The following EPAS1 variants were observed in gnomAD, a reference collection of about 807,000 sequenced individuals.
EPAS1 encodes endothelial PAS domain-containing protein 1.
Under a neutral mutation model 87.9 loss-of-function variants are expected in EPAS1, and 23 were observed. That is an observed-to-expected ratio of 0.26 (90% CI 0.19 to 0.37). The LOEUF (loss-of-function observed/expected upper bound fraction) is 0.37. Among genes scored for constraint, EPAS1 ranks in the 10% least tolerant of loss-of-function variants. The pLI is 1.00. For missense variants in EPAS1, 1,138 were observed against 1,120.7 expected (o/e 1.02, Z -0.22); for synonymous variants, 508 against 444.3 (o/e 1.14, Z -1.80).
Position 46,297,586 on chromosome 2 carries a change from A to T in EPAS1, c.-326A>T. ...CTTTTTTTTTTCTTTGAAAACTCAG[A>T]AAAGTGACTCCTTTTCCAGGGAAAA... is the stretch of plus-strand genomic sequence containing the variant. On this transcript the variant is annotated 5_prime_UTR_variant, in exon 1 of 16. It introduces an in-frame stop codon into an upstream open reading frame of the 5' UTR. Coordinates refer to ENST00000263734, the MANE Select transcript of EPAS1 (RefSeq NM_001430.5). 1 of 377,184 alleles carries T rather than the reference A, an allele frequency of 2.7e-6. No homozygotes were observed. Among genetic ancestry groups the T allele is most frequent in the Non-Finnish European group, 4.9e-6 (1 of 203,162 alleles). The allele number at this position is 377,184 out of a possible 1,614,324, so 23.4% of individuals were successfully genotyped here. A position where few individuals can be genotyped will look rare whatever the true frequency, so the allele number is the denominator to read the frequency against.
At chr2:46,362,119 C>A (rs559762646) in intron 6 of EPAS1, among the ~76,000 whole-genome samples, 1 of 152,222 alleles carries the variant, frequency 6.6e-6, no homozygotes, top group Non-Finnish European at 1.5e-5. Context: ...CCTCAGCTTT[C>A]TGCAGCATCT....
intron 2 of EPAS1, among the ~76,000 whole-genome samples, chr2:46,348,789 C>T (rs975801111): frequency 6.6e-6 from 1 of 152,096 alleles, no homozygotes; most frequent in African/African-American, 2.4e-5. Context: ...ATCCCTAACC[C>T]AAAAATCTGA....
At chr2:46,378,185 T>C in intron 10 of EPAS1, 98 bp downstream of exon 10, 1 of 1,515,018 alleles carries the variant, frequency 6.6e-7, no homozygotes, top group South Asian at 1.2e-5. Context: ...ACTGTCCTTC[T>C]CAGGTTATCA....
At chr2:46,381,802 GCCCTT>G in intron 13 of EPAS1, 80 bp downstream of exon 13, 1 of 1,595,060 alleles carries the variant, frequency 6.3e-7, no homozygotes, top group Non-Finnish European at 8.5e-7. Context: ...TGGGGATGTG[GCCCTT>G]CCAAGCCAGC....
chr2:46,316,700 T>G (rs760799085), intron 1 of EPAS1, among the ~76,000 whole-genome samples: 1 of 152,224 alleles, frequency 6.6e-6, no homozygotes, highest in Non-Finnish European at 1.5e-5. Context: ...CTGATTAGTG[T>G]GACGGTTGCT....
At chr2:46,340,897 CT>C (rs1466490652) in intron 1 of EPAS1, among the ~76,000 whole-genome samples, 3 of 151,912 alleles carry the variant, frequency 2.0e-5, no homozygotes, top group Admixed American at 6.6e-5. Context: ...TAATTTCTAA[CT>C]TTTTTAGAGA....
At chr2:46,363,042 A>C (rs1180749328) in intron 6 of EPAS1, among the ~76,000 whole-genome samples, 1 of 151,186 alleles carries the variant, frequency 6.6e-6, no homozygotes, top group African/African-American at 2.4e-5. Context: ...GTTCAAGAAG[A>C]AGATTGCACT....
chr2:46,353,397 C>T (rs1396529063), intron 2 of EPAS1, among the ~76,000 whole-genome samples: 1 of 152,190 alleles, frequency 6.6e-6, no homozygotes, highest in Admixed American at 6.5e-5. Context: ...CATGGGCGTG[C>T]AGCACAGGCA....
chr2:46,378,552 G>T, intron 10 of EPAS1, 105 bp from the exon 11 acceptor site: 1 of 919,550 alleles, frequency 1.1e-6, no homozygotes. Context: ...TGGTGGAATG[G>T]AATTGAACCT....
intron 1 of EPAS1, among the ~76,000 whole-genome samples, chr2:46,322,886 T>A (rs1683479476): frequency 6.6e-6 from 1 of 152,228 alleles, no homozygotes; most frequent in Non-Finnish European, 1.5e-5. Context: ...CCTCGGAATC[T>A]TTCACACACT....
At chr2:46,383,037 G>C (rs1280982757) in intron 15 of EPAS1, among the ~76,000 whole-genome samples, 1 of 152,176 alleles carries the variant, frequency 6.6e-6, no homozygotes. Flanking sequence ...GTTGGGAAGC[G>C]GTCTGGGCAG....
Position 46,385,338 on chromosome 2 carries a change from TTTA to T in EPAS1, c.*687_*689del, listed in dbSNP as rs575160814. On this transcript the variant is annotated 3_prime_UTR_variant, in exon 16 of 16. Transcript: ENST00000263734. ...TTTTTCCCCCGCATTTGGTGGATTTTTTATTATTATTCAAAAACATAACTGAGT... is the reference window on the plus strand; with the variant it reads ...TTTTTCCCCCGCATTTGGTGGATTTTTTATTATTCAAAAACATAACTGAGT... 1.3e-5 allele frequency: 2 copies of T among 152,648 alleles called. No homozygotes were observed. The highest frequency in any genetic ancestry group is 4.8e-5 in the African/African-American group (2 of 41,444). The allele number at this position is 152,648 out of a possible 1,614,324, so 9.5% of individuals were successfully genotyped here.
At chr2:46,334,496 A>C (rs1683749374) in intron 1 of EPAS1, among the ~76,000 whole-genome samples, 1 of 151,990 alleles carries the variant, frequency 6.6e-6, no homozygotes, top group South Asian at 2.1e-4. Context: ...CTCTTCTTTC[A>C]AAGCCAACCT....
intron 6 of EPAS1, among the ~76,000 whole-genome samples, chr2:46,368,390 A>G (rs2103650228): frequency 6.6e-6 from 1 of 152,320 alleles, no homozygotes; most frequent in East Asian, 1.9e-4. Context: ...GACAGAGGGT[A>G]CATAACATTT....
intron 1 of EPAS1, among the ~76,000 whole-genome samples, chr2:46,301,269 G>A (rs1682990825): frequency 6.6e-6 from 1 of 152,064 alleles, no homozygotes; most frequent in Admixed American, 6.6e-5. Context: ...CGGTCACAAG[G>A]AAAATTAGTG....
In EPAS1 at chr2:46,332,282, A is replaced by AAT. The variant is rs1381659037; in HGVS notation, c.27-14590_27-14589insTA. On this transcript the variant is annotated intron_variant, in intron 1 of 15. Coordinates refer to ENST00000263734, the MANE Select transcript of EPAS1 (RefSeq NM_001430.5). ...GAACTGGTGTTTCACAGAAAAAAAA[A>AAT]AAAAAATACGTGTGTGTGTGTGTGT... Among the ~76,000 whole-genome samples the AAT allele has an allele frequency of 2.1e-3, 305 of 145,158 alleles. 7 individuals are homozygous for AAT. In the East Asian group the frequency reaches 0.029, roughly 14 times the overall value.
chr2:46,333,629 A>G (rs1289638474), intron 1 of EPAS1, among the ~76,000 whole-genome samples: 2 of 152,092 alleles, frequency 1.3e-5, no homozygotes, highest in Non-Finnish European at 2.9e-5. Flanking sequence ...GTCTGGCTGG[A>G]GTAAGCGTGG....
chr2:46,382,431 T>G lies in EPAS1; in HGVS notation c.2294T>G (p.Phe765Cys), dbSNP rs1222698091. The G allele has an allele frequency of 6.2e-7, 1 of 1,613,962 alleles. No homozygotes were observed. Among genetic ancestry groups the G allele is most frequent in the South Asian group, 1.1e-5 (1 of 91,076 alleles). The change falls in exon 15 of 16, where the codon TTC becomes TGC. Residue 765 changes from phenylalanine (F) to cysteine (C), a missense_variant. Phe to Cys is a radical substitution (Grantham distance 205). This residue lies in a region of EPAS1 where 502 missense variants were observed against 427.1 expected (regional missense o/e 1.18). Transcript: ENST00000263734. ...PLSANVPNDK[F>C]TQNPMRGLGH... is the part of the protein sequence containing the mutation. ...TCTGACTTTGGTCTTTCAGATAAGT[T>G]CACCCAAAACCCCATGAGGGGCCTG...
In EPAS1 at chr2:46,300,481, CTTTCTAAA is replaced by C. The variant is rs921203639; in HGVS notation, c.26+2546_26+2553del. On this transcript the variant is annotated intron_variant, in intron 1 of 15. Coordinates refer to ENST00000263734, the MANE Select transcript of EPAS1 (RefSeq NM_001430.5). This position sits in a 1 kb window ranked among gnomAD's most constrained non-coding sequence, Gnocchi z 4.1. ...TTAATGTTTAATAATAAAGAGTTTG[CTTTCTAAA>C]TGTTAGTTGGCTGGGTGTCCTTGAT... Among the ~76,000 whole-genome samples, 4 of 152,168 alleles carry C rather than the reference CTTTCTAAA, an allele frequency of 2.6e-5. No homozygotes were observed. The highest frequency in any genetic ancestry group is 9.7e-5 in the African/African-American group (4 of 41,434).
Sources: gnomAD v4.1 joint callset for allele counts (sites outside exome capture counted in the v4.1 genomes callset) on GRCh38, gnomAD v4.1.1 for gene constraint, gnomAD v4.1.1 regional missense constraint, Gnocchi (gnomAD v3.1) non-coding constraint, MANE v1.5 for transcripts, NCBI Gene and HGNC (gene_info 2026-07-23, HGNC 2026-07-21) for gene names.